The following DHRS12 variants were observed in gnomAD, a reference collection of about 807,000 sequenced individuals.
DHRS12 encodes the protein dehydrogenase/reductase 12, also known as dehydrogenase/reductase SDR family member 12.
In DHRS12, 29 loss-of-function variants were observed where a neutral mutation model predicts 32.1. The ratio of observed to expected loss-of-function variants is 0.90; its 90% CI spans 0.67 to 1.23. The LOEUF is 1.23. Ranked by LOEUF, DHRS12 falls within the 50% of genes most tolerant of loss-of-function variation. DHRS12 has a pLI of 0.00. For synonymous variants in DHRS12, 150 were observed against 135.9 expected (o/e 1.10, Z -0.72); for missense variants, 330 against 337.2 (o/e 0.98, Z 0.17).
the DHRS12 span, chr13:51,761,168 C>T: frequency 6.6e-6 from 1 of 151,936 alleles, no homozygotes; most frequent in Admixed American, 6.5e-5. Flanking sequence ...GTGGGTGGTC[C>T]GAGACAGAAT....
At position 51,776,271 on chromosome 13, in the gene DHRS12, G is replaced by C. The variant is rs989314859; in HGVS notation, c.363+789C>G. 9.9e-5 allele frequency: 15 copies of C among 152,182 alleles called. 1 individual carries two copies. The highest frequency in any genetic ancestry group is 3.1e-4 in the African/African-American group (13 of 41,410). 9.4% of individuals were successfully genotyped at this position (152,182 alleles called of 1,614,324 possible). A position where few individuals can be genotyped will look rare whatever the true frequency, so the allele number is the denominator to read the frequency against. ...CTCATGGGCTAAAATCCAAGTGTCAGCGGAGCTGCGTCCCCTCTGCCGGTC... is the reference window on the plus strand; with the variant it reads ...CTCATGGGCTAAAATCCAAGTGTCACCGGAGCTGCGTCCCCTCTGCCGGTC... On this transcript the variant is annotated intron_variant, in intron 5 of 8. Coordinates refer to ENST00000444610, the MANE Select transcript of DHRS12 (RefSeq NM_001377533.1).
intron 6 of DHRS12, among the ~76,000 whole-genome samples, chr13:51,773,557 C>A (rs1954143824): frequency 6.6e-6 from 1 of 152,010 alleles, no homozygotes; most frequent in South Asian, 2.1e-4. Context: ...AATGTGCCGC[C>A]CCTCCCAGTG....
chr13:51,766,667 G>C (rs1489207094), downstream of DHRS12: 2 of 152,350 alleles, frequency 1.3e-5, no homozygotes, highest in East Asian at 3.9e-4. Context: ...TATTGTGAAT[G>C]TTTTTACTCC....
intron 4 of DHRS12, among the ~76,000 whole-genome samples, chr13:51,786,099 C>A (rs1954941972): frequency 6.6e-6 from 1 of 152,192 alleles, no homozygotes; most frequent in African/African-American, 2.4e-5. Flanking sequence ...TGCCACGTAA[C>A]AGAATGTCAA....
chr13:51,768,010 C>A lies in DHRS12; in HGVS notation c.*177G>T, dbSNP rs1953828193. 1 of 1,413,180 alleles carries A rather than the reference C, an allele frequency of 7.1e-7. No homozygotes were observed. The highest frequency in any genetic ancestry group is 2.9e-5 in the Admixed American group (1 of 34,080). The allele number at this position is 1,413,180 out of a possible 1,614,324, so 87.5% of individuals were successfully genotyped here. On this transcript the variant is annotated 3_prime_UTR_variant, in exon 9 of 9. Coordinates refer to ENST00000444610, the MANE Select transcript of DHRS12 (RefSeq NM_001377533.1). ...TGCAGGAGTTCAAGGTGAGCCTGATCACAGCCTCGGTAGTATTTATTTTGA... is the reference window on the plus strand; with the variant it reads ...TGCAGGAGTTCAAGGTGAGCCTGATAACAGCCTCGGTAGTATTTATTTTGA...
the DHRS12 span, chr13:51,755,530 A>G: frequency 4.0e-5 from 58 of 1,467,146 alleles, no homozygotes; most frequent in Non-Finnish European, 2.9e-6. Context: ...CTTAGAAGAA[A>G]TAACACCCCT....
intron 8 of DHRS12, 23 bp from the exon 9 acceptor site, chr13:51,768,319 G>A: frequency 6.5e-7 from 1 of 1,535,262 alleles, no homozygotes; most frequent in Non-Finnish European, 8.7e-7. Flanking sequence ...GGGAACCGCA[G>A]AGAGGTGTGA....
chr13:51,772,324 G>A (rs376599134), intron 6 of DHRS12, among the ~76,000 whole-genome samples: 7 of 152,196 alleles, frequency 4.6e-5, no homozygotes, highest in Admixed American at 1.3e-4. Context: ...ACCGGCATAC[G>A]GTGTGTGTTC....
At chr13:51,783,042 C>T (rs961770250) in intron 4 of DHRS12, among the ~76,000 whole-genome samples, 95 of 152,066 alleles carry the variant, frequency 6.2e-4, no homozygotes, top group African/African-American at 2.2e-3. Flanking sequence ...GCGGGGTGCA[C>T]GGCGCGGCCC....
chr13:51,771,285 G>A (rs1462647163), intron 7 of DHRS12: 1 of 1,557,750 alleles, frequency 6.4e-7, no homozygotes, highest in Admixed American at 1.9e-5. Context: ...GAGAGCCCAG[G>A]TGAGCTGCCT....
At position 51,768,251 on chromosome 13, in the gene DHRS12, G is replaced by A. The variant is rs1162608289; in HGVS notation, c.743C>T (p.Ser248Phe). The A allele has an allele frequency of 6.5e-7, 1 of 1,536,130 alleles. No individual in the cohort carries two copies. The highest frequency in any genetic ancestry group is 1.4e-5 in the African/African-American group (1 of 73,166). Reference protein sequence around the residue: ...STHLPLATASSSPAEEEKLIE... With the variant: ...STHLPLATASFSPAEEEKLIE... ...GAGTTTCTCCTCTTCGGCCGGTGAG[G>A]AGGACGCTGTAGCGAGAGGCAAGTG... is the stretch of plus-strand genomic sequence containing the variant. Residue 248 changes from serine to phenylalanine, a missense_variant, in exon 9 of 9, where the codon TCC becomes TTC. Coordinates refer to ENST00000444610, the MANE Select transcript of DHRS12 (RefSeq NM_001377533.1).
At chr13:51,797,783 T>G in intron 2 of DHRS12, 1 of 1,522,710 alleles carries the variant, frequency 6.6e-7, no homozygotes, top group South Asian at 1.2e-5. Context: ...CAGCTGACCA[T>G]GGAGGCAAGG....
chr13:51,767,069 G>A (rs1265461005), downstream of DHRS12: 1 of 152,290 alleles, frequency 6.6e-6, no homozygotes, highest in African/African-American at 2.4e-5. Flanking sequence ...CTTTTCCAGT[G>A]AGGAGAAATG....
intron 2 of DHRS12, among the ~76,000 whole-genome samples, chr13:51,796,824 G>A (rs369194252): frequency 1.3e-5 from 2 of 152,200 alleles, no homozygotes; most frequent in Non-Finnish European, 2.9e-5. Flanking sequence ...CACACTTGCC[G>A]CCAGCACTAA....
chr13:51,765,054 C>G (rs1953706270), downstream of DHRS12: 2 of 152,186 alleles, frequency 1.3e-5, no homozygotes, highest in African/African-American at 4.8e-5. Flanking sequence ...GTCCTCCTTA[C>G]AGGGGCACTT....
chr13:51,771,948 G>C, intron 6 of DHRS12, 37 bp from the exon 7 acceptor site: 1 of 1,606,522 alleles, frequency 6.2e-7, no homozygotes, highest in East Asian at 2.2e-5. Context: ...ACAGGAGAGA[G>C]GAGGCGCCAT....
At chr13:51,777,202 G>A (rs939864831) in intron 4 of DHRS12, 81 bp from the exon 5 acceptor site, 2 of 1,529,752 alleles carry the variant, frequency 1.3e-6, no homozygotes, top group Admixed American at 1.7e-5. Context: ...TGTGGGGACT[G>A]TCTGCCCGCA....
chr13:51,759,697 A>G, the DHRS12 span: 4 of 1,610,498 alleles, frequency 2.5e-6, no homozygotes, highest in Non-Finnish European at 3.4e-6. Context: ...GTTATCCTCA[A>G]CACAATTTTA....
At chr13:51,764,589 T>G (rs541049002), downstream of DHRS12, 1 of 152,504 alleles carries the variant, frequency 6.6e-6, no homozygotes, top group African/African-American at 2.4e-5. Context: ...TGCTGCTCCC[T>G]GGCCTCAGAG....
Sources: allele counts gnomAD v4.1 joint callset (sites outside exome capture counted in the v4.1 genomes callset), GRCh38; gene constraint gnomAD v4.1.1; transcripts MANE v1.5; gene names NCBI Gene and HGNC (gene_info 2026-07-23, HGNC 2026-07-21).